The following LEPR variants were observed in gnomAD, a reference collection of about 807,000 sequenced individuals.
LEPR encodes the protein OB receptor.
LEPR carries 56 observed loss-of-function variants against 114.7 expected under a neutral mutation model. That is an observed-to-expected ratio of 0.49 (90% CI 0.39 to 0.61). The LOEUF (loss-of-function observed/expected upper bound fraction) is 0.61, where lower values mean the gene tolerates loss of function less well. Ranked by LOEUF, LEPR falls within the 20% of genes least tolerant of loss-of-function variation. LEPR has a pLI of 0.00. For synonymous variants in LEPR, 443 were observed against 461.4 expected (o/e 0.96, Z 0.51); for missense variants, 1,202 against 1,352.9 (o/e 0.89, Z 1.75).
chr1:65,488,196 CTT>C (rs778330312), intron 2 of LEPR, among the ~76,000 whole-genome samples: 253 of 21,978 alleles, frequency 0.012, 7 homozygotes, highest in Non-Finnish European at 0.015. Flanking sequence ...TTCTTTCTTT[CTT>C]TCTTTCTTTC....
rs748857078 is a variant in LEPR at position 65,622,936 on chromosome 1, G to A, written c.2628G>A (p.Pro876=). ...RMKKLFWEDV[P]NPKNCSWAQG... ...AAAAGCTATTTTGGGAAGATGTTCCGAACCCCAAGAATTGTTCCTGGGCAC... is the reference window on the plus strand; with the variant it reads ...AAAAGCTATTTTGGGAAGATGTTCCAAACCCCAAGAATTGTTCCTGGGCAC... Residue 876 remains proline, a synonymous_variant, in exon 19 of 20, where the codon CCG becomes CCA. Coordinates refer to ENST00000349533, the MANE Select transcript of LEPR (RefSeq NM_002303.6). 1.1e-5 allele frequency: 17 copies of A among 1,613,758 alleles called. No individual in the cohort carries two copies. The highest frequency in any genetic ancestry group is 3.3e-5 in the South Asian group (3 of 91,070).
intron 2 of LEPR, among the ~76,000 whole-genome samples, chr1:65,546,105 A>T (rs1031720814): frequency 1.3e-5 from 2 of 152,114 alleles, no homozygotes; most frequent in African/African-American, 4.8e-5. Context: ...TTTGTCAAAG[A>T]TCAGATAGTT....
Position 65,545,526 on chromosome 1 carries a change from G to A in LEPR, c.-20-20020G>A, listed in dbSNP as rs1157573103. On this transcript the variant is annotated intron_variant, in intron 2 of 19. Transcript: ENST00000349533. ...AACTGGTGTGAGATGGTATCTCATT[G>A]TGGTTTTGATTTGCATTTCTCTGAT... 2.6e-5 allele frequency among the ~76,000 whole-genome samples: 4 copies of A among 151,948 alleles called. No homozygotes were observed. The East Asian group carries it at 5.8e-4, about 22-fold the overall frequency.
chr1:65,507,374 C>T (rs947781066), intron 2 of LEPR, among the ~76,000 whole-genome samples: 1 of 151,168 alleles, frequency 6.6e-6, no homozygotes, highest in African/African-American at 2.4e-5. Context: ...AACATAATGC[C>T]CTCTAGGTTC....
chr1:65,435,978 T>C, intron 2 of LEPR: 1 of 985,042 alleles, frequency 1.0e-6, no homozygotes, highest in Non-Finnish European at 1.2e-6. Flanking sequence ...ACGATTACTT[T>C]GTAAATAAAA....
At position 65,613,481 on chromosome 1, in the gene LEPR, C is replaced by T. The variant is rs1356407951; in HGVS notation, c.1996-2527C>T. Among the ~76,000 whole-genome samples the T allele has an allele frequency of 2.1e-5, 3 of 141,488 alleles. 1 individual carries two copies. Among genetic ancestry groups the T allele is most frequent in the African/African-American group, 5.0e-5 (2 of 39,856 alleles). The allele number at this position is 141,488 out of a possible 152,430, so 92.8% of individuals were successfully genotyped here. The stretch of plus-strand genomic sequence containing the variant: ...TTTAAGATTCAACAGGGGCCGGGCG[C>T]GGTGGCTCACGCCTGTAATCCCAGC... On this transcript the variant is annotated intron_variant, in intron 14 of 19. Coordinates refer to ENST00000349533, the MANE Select transcript of LEPR (RefSeq NM_002303.6).
intron 2 of LEPR, among the ~76,000 whole-genome samples, chr1:65,557,486 C>A (rs1348604276): frequency 6.6e-6 from 1 of 152,148 alleles, no homozygotes; most frequent in Non-Finnish European, 1.5e-5. Flanking sequence ...GTGGTGTGAT[C>A]TCAGCTCACT....
intron 2 of LEPR, among the ~76,000 whole-genome samples, chr1:65,554,753 G>T (rs1446480950): frequency 1.3e-5 from 2 of 151,134 alleles, no homozygotes; most frequent in Non-Finnish European, 2.9e-5. Flanking sequence ...GCACTGCTGG[G>T]GTATGAAAAA....
At chr1:65,548,255 G>T (rs2100700128) in intron 2 of LEPR, among the ~76,000 whole-genome samples, 1 of 152,194 alleles carries the variant, frequency 6.6e-6, no homozygotes, top group South Asian at 2.1e-4. Context: ...GAATAGGTGT[G>T]GTGTGGTGCT....
At chr1:65,535,434 T>C (rs1408422988) in intron 2 of LEPR, among the ~76,000 whole-genome samples, 1 of 151,708 alleles carries the variant, frequency 6.6e-6, no homozygotes, top group Admixed American at 6.6e-5. Context: ...GGCATGATCA[T>C]AGCTCATTGC....
intron 1 of LEPR, among the ~76,000 whole-genome samples, chr1:65,424,363 AG>A (rs1178741173): frequency 1.3e-5 from 2 of 152,244 alleles, no homozygotes; most frequent in African/African-American, 4.8e-5. Context: ...TATAATTTAA[AG>A]AAGGAGGGCT....
chr1:65,537,528 C>G (rs1650864342), intron 2 of LEPR, among the ~76,000 whole-genome samples: 1 of 151,956 alleles, frequency 6.6e-6, no homozygotes, highest in South Asian at 2.1e-4. Flanking sequence ...CTCATTTCAC[C>G]TCCTTTTCTT....
chr1:65,433,598 A>C, intron 2 of LEPR: 2 of 985,392 alleles, frequency 2.0e-6, no homozygotes, highest in Non-Finnish European at 2.4e-6. Context: ...GAAAGTAATA[A>C]CTAAAGGGTT....
chr1:65,629,015 T>C (rs1043585622), intron 19 of LEPR, among the ~76,000 whole-genome samples: 5 of 152,156 alleles, frequency 3.3e-5, no homozygotes, highest in Non-Finnish European at 1.5e-5. Flanking sequence ...AAAAACCATA[T>C]GCTTATGCCA....
chr1:65,456,857 T>G (rs1457237470), intron 2 of LEPR, among the ~76,000 whole-genome samples: 1 of 152,216 alleles, frequency 6.6e-6, no homozygotes, highest in Non-Finnish European at 1.5e-5. Context: ...AGATTTTTAT[T>G]TGTTGCCCTT....
At chr1:65,573,156 C>T (rs1654326075) in intron 5 of LEPR, among the ~76,000 whole-genome samples, 1 of 152,180 alleles carries the variant, frequency 6.6e-6, no homozygotes, top group South Asian at 2.1e-4. Flanking sequence ...TGGCATATGG[C>T]CAAGGGATGG....
At chr1:65,603,027 A>G (rs1656547423) in intron 10 of LEPR, among the ~76,000 whole-genome samples, 2 of 152,154 alleles carry the variant, frequency 1.3e-5, no homozygotes, top group South Asian at 2.1e-4. Flanking sequence ...TCTTATTAAC[A>G]TTTACAGAAT....
intron 2 of LEPR, among the ~76,000 whole-genome samples, chr1:65,460,962 TTTTCTTTTC>T (rs1242228822): frequency 1.3e-5 from 2 of 151,454 alleles, no homozygotes; most frequent in African/African-American, 2.4e-5. Context: ...GATCCCATTT[TTTTCTTTTC>T]TTTCTTTTCT....
chr1:65,598,890 A>T, intron 8 of LEPR, 86 bp downstream of exon 8: 1 of 1,585,774 alleles, frequency 6.3e-7, no homozygotes, highest in Non-Finnish European at 8.6e-7. Flanking sequence ...TTACATTTTG[A>T]GGCCTTAAAA....
Sources: allele counts gnomAD v4.1 joint callset (sites outside exome capture counted in the v4.1 genomes callset), GRCh38; gene constraint gnomAD v4.1.1; transcripts MANE v1.5; gene names NCBI Gene and HGNC (gene_info 2026-07-23, HGNC 2026-07-21).